Variants in SATL1 observed in about 807,000 individuals in gnomAD.
SATL1 encodes the protein spermidine/spermine N1-acetyl transferase like 1, also known as spermidine/spermine N(1)-acetyltransferase-like protein 1.
A neutral mutation model predicts 51.8 loss-of-function variants in SATL1; 47 were observed. The ratio of observed to expected loss-of-function variants is 0.91; its 90% CI spans 0.72 to 1.16. The LOEUF (loss-of-function observed/expected upper bound fraction) is 1.16. SATL1 is among the 50% of genes most tolerant of loss of function. The probability of loss-of-function intolerance (pLI) is 0.00; values close to 1 mark genes in which losing one functional copy is unlikely to be tolerated. For missense variants in SATL1, 520 were observed against 526.4 expected (o/e 0.99, Z 0.12); for synonymous variants, 176 against 182.4 (o/e 0.97, Z 0.28).
chrX:85,143,945 C>T (rs901669999), intron 2 of SATL1, among the ~76,000 whole-genome samples: 29 of 111,580 alleles, frequency 2.6e-4, no homozygotes, highest in Non-Finnish European at 2.3e-4. Context: ...AAAAACCATG[C>T]GAATCCATGT....
intron 2 of SATL1, among the ~76,000 whole-genome samples, chrX:85,186,641 T>C (rs1178016972): frequency 8.9e-6 from 1 of 111,846 alleles, no homozygotes; most frequent in Non-Finnish European, 1.9e-5. Flanking sequence ...AGTCCCACAG[T>C]CACTGTGGTC....
chrX:85,169,442 C>T (rs777981707), intron 2 of SATL1, among the ~76,000 whole-genome samples: 5 of 110,677 alleles, frequency 4.5e-5, no homozygotes, highest in Non-Finnish European at 9.5e-5. Context: ...ACAAGCAATC[C>T]CATTAAAAAG....
intron 2 of SATL1, among the ~76,000 whole-genome samples, chrX:85,171,790 C>T (rs745380058): frequency 3.6e-5 from 4 of 111,575 alleles, no homozygotes; most frequent in Admixed American, 1.9e-4. Flanking sequence ...GTAAGTATTT[C>T]TGCATACTCT....
chrX:85,125,264 T>C (rs1435989889), intron 2 of SATL1, among the ~76,000 whole-genome samples: 1 of 110,501 alleles, frequency 9.0e-6, no homozygotes, highest in East Asian at 2.9e-4. Flanking sequence ...TACCTATCTA[T>C]TTAGTGAAAA....
At chrX:85,213,962 G>C (rs948140371) in intron 2 of SATL1, among the ~76,000 whole-genome samples, 1 of 110,907 alleles carries the variant, frequency 9.0e-6, no homozygotes, top group Non-Finnish European at 1.9e-5. Context: ...ATATAGAGGG[G>C]AAGCTGGCCG....
At position 85,108,225 on chromosome X, in the gene SATL1, T is replaced by C. The variant is rs751504862; in HGVS notation, c.744A>G (p.Ala248=). Residue 248 remains alanine (A), a synonymous_variant, in exon 3 of 8, where the codon GCA becomes GCG. Transcript: ENST00000644105. ...KNQTDMSQPD[A]NQSSLSDSNQ... ...TGGAATCTGATAAACTTGATTGGTT[T>C]GCGTCTGGTTGGCTCATGTCTGTTT... is the stretch of plus-strand genomic sequence containing the variant. 2 of 1,211,755 alleles carry C rather than the reference T, an allele frequency of 1.7e-6. No homozygotes were observed. Among genetic ancestry groups the C allele is most frequent in the Non-Finnish European group, 2.2e-6 (2 of 895,496 alleles).
rs146363384 is a variant in SATL1 at position 85,098,523 on chromosome X, A to T, written c.1694-3527T>A. On this transcript the variant is annotated intron_variant, in intron 4 of 7. Transcript: ENST00000644105. ...GAATACACATTTTTTTCCCTCAAGTACACATGGAACTTTCTTTAGGATAGA... is the reference window on the plus strand; with the variant it reads ...GAATACACATTTTTTTCCCTCAAGTTCACATGGAACTTTCTTTAGGATAGA... 3.2e-3 allele frequency among the ~76,000 whole-genome samples: 360 copies of T among 112,119 alleles called. 1 individual carries two copies. Among genetic ancestry groups the T allele is most frequent in the African/African-American group, 0.011 (333 of 30,949 alleles).
At chrX:85,102,858 T>C (rs1384657716) in intron 4 of SATL1, among the ~76,000 whole-genome samples, 1 of 110,737 alleles carries the variant, frequency 9.0e-6, no homozygotes, top group African/African-American at 3.3e-5. Context: ...TAATCTGAAA[T>C]CTGAAATGTT....
chrX:85,125,292 G>A (rs1925594070), intron 2 of SATL1, among the ~76,000 whole-genome samples: 1 of 110,144 alleles, frequency 9.1e-6, no homozygotes, highest in African/African-American at 3.3e-5. Flanking sequence ...TAAGTACCAT[G>A]AAGAGGAACC....
chrX:85,240,860 G>A (rs1053268372), intron 1 of SATL1, among the ~76,000 whole-genome samples: 2 of 108,498 alleles, frequency 1.8e-5, no homozygotes, highest in African/African-American at 3.4e-5. Context: ...TCCTGACCTC[G>A]TGATCCGCCC....
intron 2 of SATL1, among the ~76,000 whole-genome samples, chrX:85,151,374 G>C (rs757463053): frequency 7.1e-4 from 79 of 111,452 alleles, no homozygotes; most frequent in African/African-American, 2.3e-3. Flanking sequence ...TCAATATCAT[G>C]AAAATGGCCA....
intron 6 of SATL1, 108 bp from the exon 7 acceptor site, chrX:85,093,333 T>C: frequency 1.3e-6 from 1 of 757,641 alleles, no homozygotes; most frequent in East Asian, 3.6e-5. Context: ...TTTTTGTATA[T>C]TATTAATAGC....
intron 2 of SATL1, among the ~76,000 whole-genome samples, chrX:85,154,658 C>T (rs1201090028): frequency 8.9e-6 from 1 of 112,255 alleles, no homozygotes; most frequent in Admixed American, 9.5e-5. Flanking sequence ...GCAGTCTGGC[C>T]ATCTGGCCAC....
intron 2 of SATL1, among the ~76,000 whole-genome samples, chrX:85,161,379 A>AAGCAAGAT (rs1926714673): frequency 9.0e-6 from 1 of 110,890 alleles, no homozygotes; most frequent in Non-Finnish European, 1.9e-5. Context: ...CTCAATAAAG[A>AAGCAAGAT]AGCAAGATCC....
intron 2 of SATL1, among the ~76,000 whole-genome samples, chrX:85,190,777 T>C (rs1927418879): frequency 9.1e-6 from 1 of 110,476 alleles, no homozygotes; most frequent in Non-Finnish European, 1.9e-5. Flanking sequence ...TTGATGCAAA[T>C]AGTGTTATAA....
At chrX:85,236,468 A>G (rs183506034) in intron 1 of SATL1, among the ~76,000 whole-genome samples, 142 of 111,651 alleles carry the variant, frequency 1.3e-3, no homozygotes, top group Middle Eastern at 4.6e-3. Context: ...GAATTCAACA[A>G]CACATTAAAA....
Position 85,107,812 on chromosome X carries a change from A to G in SATL1, c.1157T>C (p.Met386Thr), listed in dbSNP as rs1925107081. 5 of 1,208,647 alleles carry G rather than the reference A, an allele frequency of 4.1e-6. No homozygotes were observed. In the African/African-American group the frequency reaches 7.0e-5, roughly 17 times the overall value. Residue 386 changes from methionine to threonine, a missense_variant, in exon 3 of 8, where the codon ATG (methionine) becomes ACG (threonine). Transcript: ENST00000644105. Reference protein sequence around the residue: ...ISQPVMWQLDMRQSGGSQPSM... With the variant: ...ISQPVMWQLDTRQSGGSQPSM... ...TGGTTGGCTCCCACCTGACTGTCTCATGTCTAGTTGCCACATCACTGGTTG... is the reference window on the plus strand; with the variant it reads ...TGGTTGGCTCCCACCTGACTGTCTCGTGTCTAGTTGCCACATCACTGGTTG...
intron 2 of SATL1, among the ~76,000 whole-genome samples, chrX:85,133,819 C>T (rs1267835410): frequency 9.0e-6 from 1 of 111,655 alleles, no homozygotes; most frequent in Non-Finnish European, 1.9e-5. Flanking sequence ...TATATTATTG[C>T]CTTATATTGC....
intron 2 of SATL1, among the ~76,000 whole-genome samples, chrX:85,174,123 A>G (rs963383965): frequency 9.1e-6 from 1 of 109,714 alleles, no homozygotes; most frequent in East Asian, 2.9e-4. Context: ...TTATGGCTGC[A>G]TAGTATTCCA....
Sources: gnomAD v4.1 joint callset for allele counts (sites outside exome capture counted in the v4.1 genomes callset) on GRCh38, gnomAD v4.1.1 for gene constraint, MANE v1.5 for transcripts, NCBI Gene and HGNC (gene_info 2026-07-23, HGNC 2026-07-21) for gene names.